The following ELAVL2 variants were observed in gnomAD, a reference collection of about 807,000 sequenced individuals.
ELAVL2 encodes the protein ELAV like RNA binding protein 2, also known as ELAV-like protein 2.
ELAVL2 carries 4 observed loss-of-function variants against 34.6 expected under a neutral mutation model. That is an observed-to-expected ratio of 0.12 (90% CI 0.06 to 0.26). ELAVL2 has a LOEUF of 0.26. Among genes scored for constraint, ELAVL2 ranks in the 10% least tolerant of loss-of-function variants. The pLI is 1.00. For missense variants in ELAVL2, 432 were observed against 442.8 expected (o/e 0.98, Z 0.22); for synonymous variants, 193 against 154.8 (o/e 1.25, Z -1.83).
chr9:23,772,389 T>A (rs927367757), intron 1 of ELAVL2, among the ~76,000 whole-genome samples: 1 of 151,980 alleles, frequency 6.6e-6, no homozygotes, highest in Non-Finnish European at 1.5e-5. Flanking sequence ...TGGACAAAAA[T>A]AATGTTTTTT....
At chr9:23,755,533 TATAA>T (rs1455599421) in intron 2 of ELAVL2, among the ~76,000 whole-genome samples, 2 of 152,186 alleles carry the variant, frequency 1.3e-5, no homozygotes, top group African/African-American at 4.8e-5. Flanking sequence ...TCAATGAAGA[TATAA>T]ATAAAGTTTC....
chr9:23,711,325 A>T (rs1417255797), intron 3 of ELAVL2, among the ~76,000 whole-genome samples: 2 of 152,216 alleles, frequency 1.3e-5, no homozygotes, highest in African/African-American at 4.8e-5. Context: ...ATGTTTTAAG[A>T]CTAAACAATT....
intron 2 of ELAVL2, among the ~76,000 whole-genome samples, chr9:23,741,213 G>A (rs1268575567): frequency 1.3e-5 from 2 of 152,156 alleles, no homozygotes. Flanking sequence ...TTGTAAAGAA[G>A]TATAAAAGAG....
At chr9:23,697,280 C>G (rs753734001) in intron 5 of ELAVL2, among the ~76,000 whole-genome samples, 1 of 151,928 alleles carries the variant, frequency 6.6e-6, no homozygotes, top group Non-Finnish European at 1.5e-5. Flanking sequence ...AAGGGAGAGC[C>G]GATTATTTCT....
intron 4 of ELAVL2, 47 bp downstream of exon 4, chr9:23,704,871 G>T (rs759981754): frequency 5.0e-6 from 8 of 1,603,262 alleles, no homozygotes; most frequent in Non-Finnish European, 6.0e-6. Flanking sequence ...TTCACAATCT[G>T]CTAGTCAGAG....
chr9:23,839,423 T>C, the ELAVL2 span, among the ~76,000 whole-genome samples: 3 of 152,172 alleles, frequency 2.0e-5, no homozygotes, highest in Admixed American at 1.3e-4. Context: ...TCCAATTTAT[T>C]GGGCATGAGT....
At position 23,806,612 on chromosome 9, in the gene ELAVL2, A is replaced by G. The variant is rs576694960; in HGVS notation, c.-16+19194T>C. 2.1e-4 allele frequency among the ~76,000 whole-genome samples: 32 copies of G among 152,264 alleles called. No individual in the cohort carries two copies. The South Asian group carries it at 5.4e-3, about 26-fold the overall frequency. On this transcript the variant is annotated intron_variant, in intron 1 of 6. Coordinates refer to ENST00000397312, the MANE Select transcript of ELAVL2 (RefSeq NM_004432.5). ...ATGATCATGCCACTGCAGTGAGACT[A>G]AATCTCTTAAAAAAAAAAATCAGTA...
In ELAVL2 at chr9:23,690,582, C is replaced by G. The variant is rs1040950193; in HGVS notation, c.*1975G>C. On this transcript the variant is annotated 3_prime_UTR_variant, in exon 7 of 7. Coordinates refer to ENST00000397312, the MANE Select transcript of ELAVL2 (RefSeq NM_004432.5). Reference sequence around the variant, plus strand: ...GAAAACTCGCTTATTCACTTTAGCACGCGCCTCACAGTATATGTACTGTAC... The same window carrying G: ...GAAAACTCGCTTATTCACTTTAGCAGGCGCCTCACAGTATATGTACTGTAC... The G allele has an allele frequency of 6.6e-6, 1 of 152,322 alleles. No individual in the cohort carries two copies. The highest frequency in any genetic ancestry group is 2.4e-5 in the African/African-American group (1 of 41,322). 9.4% of individuals were successfully genotyped at this position (152,322 alleles called of 1,614,324 possible).
At chr9:23,699,836 T>A (rs1275835442) in intron 5 of ELAVL2, among the ~76,000 whole-genome samples, 16 of 86,354 alleles carry the variant, frequency 1.9e-4, no homozygotes, top group African/African-American at 7.8e-4. Flanking sequence ...TTTTTTTTTT[T>A]TTTTTTTTTT....
chr9:23,702,259 AAAAAG>A (rs1299620245), intron 4 of ELAVL2, among the ~76,000 whole-genome samples: 14 of 151,874 alleles, frequency 9.2e-5, no homozygotes, highest in African/African-American at 2.7e-4. Context: ...TTATATGGAG[AAAAAG>A]AAAAGACGTA....
At chr9:23,823,489 C>A (rs1052327292) in intron 1 of ELAVL2, among the ~76,000 whole-genome samples, 5 of 152,134 alleles carry the variant, frequency 3.3e-5, no homozygotes, top group African/African-American at 1.2e-4. Context: ...CTTTATGAAG[C>A]GGGGTGCCCA....
intron 3 of ELAVL2, among the ~76,000 whole-genome samples, chr9:23,706,809 T>C (rs1006926341): frequency 3.3e-5 from 5 of 152,190 alleles, no homozygotes; most frequent in African/African-American, 1.2e-4. Context: ...TTCCCCATAA[T>C]TTGAATTGTG....
chr9:23,745,830 A>C (rs2050351251), intron 2 of ELAVL2, among the ~76,000 whole-genome samples: 1 of 152,172 alleles, frequency 6.6e-6, no homozygotes. Context: ...AGCTACTAAA[A>C]GCAATGGGAG....
At chr9:23,812,886 T>C (rs999091307) in intron 1 of ELAVL2, among the ~76,000 whole-genome samples, 1 of 152,144 alleles carries the variant, frequency 6.6e-6, no homozygotes, top group African/African-American at 2.4e-5. Context: ...ATAACTGGCC[T>C]AGCTGAAGTG....
At chr9:23,803,956 G>A (rs1293359819) in intron 1 of ELAVL2, among the ~76,000 whole-genome samples, 1 of 152,100 alleles carries the variant, frequency 6.6e-6, no homozygotes, top group Non-Finnish European at 1.5e-5. Flanking sequence ...CAACGACCAT[G>A]CACAACGCTC....
intron 3 of ELAVL2, among the ~76,000 whole-genome samples, chr9:23,711,188 A>C (rs1340910425): frequency 6.6e-6 from 1 of 152,224 alleles, no homozygotes; most frequent in Admixed American, 6.5e-5. Flanking sequence ...CAAACAGGAA[A>C]TTTTATAAAA....
chr9:23,714,288 C>T (rs766206735), intron 3 of ELAVL2, among the ~76,000 whole-genome samples: 4 of 152,128 alleles, frequency 2.6e-5, no homozygotes, highest in East Asian at 1.9e-4. Flanking sequence ...GAGGAGGAGA[C>T]GTGGCACAAG....
At chr9:23,847,645 G>C in the ELAVL2 span, among the ~76,000 whole-genome samples, 1 of 151,990 alleles carries the variant, frequency 6.6e-6, no homozygotes, top group Admixed American at 6.6e-5. Context: ...AAATAAAAAT[G>C]TTTGTATTTT....
chr9:23,718,113 G>A (rs1024935877), intron 3 of ELAVL2, among the ~76,000 whole-genome samples: 17 of 152,200 alleles, frequency 1.1e-4, no homozygotes, highest in African/African-American at 3.4e-4. Flanking sequence ...AAGCCCTAAG[G>A]GGTGGGAAGT....
Sources: allele counts gnomAD v4.1 joint callset (sites outside exome capture counted in the v4.1 genomes callset), GRCh38; gene constraint gnomAD v4.1.1; transcripts MANE v1.5; gene names NCBI Gene and HGNC (gene_info 2026-07-23, HGNC 2026-07-21).